APOBEC1: variants seen among roughly 807,000 people sequenced by gnomAD.
The protein encoded by APOBEC1 is apolipoprotein B mRNA editing enzyme catalytic subunit 1, also known as C->U-editing enzyme APOBEC-1.
A neutral mutation model predicts 26.3 loss-of-function variants in APOBEC1; 22 were observed. The observed-to-expected ratio is 0.84, with a 90% confidence interval of 0.60 to 1.19. The LOEUF (loss-of-function observed/expected upper bound fraction) is 1.19. Among genes scored for constraint, APOBEC1 ranks in the 50% most tolerant of loss-of-function variants. The pLI is 0.00. For missense variants in APOBEC1, 253 were observed against 289.0 expected (o/e 0.88, Z 0.90); for synonymous variants, 77 against 95.3 (o/e 0.81, Z 1.12).
chr12:7,659,322 A>AATATATATATATAT (rs1328982852), intron 1 of APOBEC1, among the ~76,000 whole-genome samples: 14 of 46,284 alleles, frequency 3.0e-4, no homozygotes, highest in African/African-American at 8.8e-4. Flanking sequence ...AAAAAAAAAA[A>AATATATATATATAT]ATATATATAT....
chr12:7,660,410 A>AAGAAAGAAAGAAAGAG (rs111744018), intron 1 of APOBEC1, among the ~76,000 whole-genome samples: 6 of 84,292 alleles, frequency 7.1e-5, no homozygotes, highest in South Asian at 5.5e-4. Context: ...GAAAGAAAGA[A>AAGAAAGAAAGAAAGAG]AGAGAGGGTA....
chr12:7,662,255 G>A (rs1462677054), intron 1 of APOBEC1, among the ~76,000 whole-genome samples: 2 of 149,942 alleles, frequency 1.3e-5, no homozygotes, highest in African/African-American at 4.9e-5. Context: ...AGAGCAAGAC[G>A]TTGTCTTTAA....
intron 1 of APOBEC1, among the ~76,000 whole-genome samples, chr12:7,662,507 T>A (rs936097675): frequency 1.3e-5 from 2 of 151,302 alleles, no homozygotes; most frequent in Non-Finnish European, 2.9e-5. Context: ...CACTTGAACC[T>A]GGGAGGTGGA....
intron 1 of APOBEC1, among the ~76,000 whole-genome samples, chr12:7,655,186 G>A (rs1863696080): frequency 6.6e-6 from 1 of 151,690 alleles, no homozygotes; most frequent in Admixed American, 6.6e-5. Context: ...TCCAGCCTGG[G>A]CAAAAGAGCA....
In APOBEC1 at chr12:7,649,512, G is replaced by C. The variant is rs777085968; in HGVS notation, c.*35C>G. On this transcript the variant is annotated 3_prime_UTR_variant, in exon 5 of 5. Transcript: ENST00000229304. Reference sequence around the variant, plus strand: ...ACTCTTTAGTGGGTCATCATTGCTTGTTCTTGAATCAGTACACACACGGAA... The same window carrying C: ...ACTCTTTAGTGGGTCATCATTGCTTCTTCTTGAATCAGTACACACACGGAA... 6.3e-6 allele frequency: 10 copies of C among 1,596,476 alleles called. No homozygotes were observed. The highest frequency in any genetic ancestry group is 5.6e-5 in the South Asian group (5 of 88,518).
At chr12:7,661,959 C>A (rs1255097582) in intron 1 of APOBEC1, among the ~76,000 whole-genome samples, 1 of 152,170 alleles carries the variant, frequency 6.6e-6, no homozygotes, top group Admixed American at 6.6e-5. Context: ...TCAAAAGAGT[C>A]CCTGGCTGGG....
At chr12:7,660,699 T>TC (rs1863804950) in intron 1 of APOBEC1, among the ~76,000 whole-genome samples, 1 of 22,550 alleles carries the variant, frequency 4.4e-5, no homozygotes, top group African/African-American at 1.4e-4. Flanking sequence ...TGAGATTCCA[T>TC]CTAAAAAAAA....
chr12:7,668,900 T>C (rs1316756216), upstream of APOBEC1, among the ~76,000 whole-genome samples: 1 of 152,048 alleles, frequency 6.6e-6, no homozygotes, highest in East Asian at 1.9e-4. Context: ...CCCAGCTAAT[T>C]TTTGTACTTT....
At chr12:7,661,880 T>G (rs1205183245) in intron 1 of APOBEC1, among the ~76,000 whole-genome samples, 1 of 152,164 alleles carries the variant, frequency 6.6e-6, no homozygotes, top group Admixed American at 6.5e-5. Context: ...GATGTGGAAA[T>G]GAGCAGTCAT....
chr12:7,662,088 A>G (rs1300892816), intron 1 of APOBEC1, among the ~76,000 whole-genome samples: 2 of 36,936 alleles, frequency 5.4e-5, no homozygotes, highest in Non-Finnish European at 5.1e-4. Flanking sequence ...CTAAAAACAA[A>G]ACAAAACAAA....
chr12:7,666,330 G>A (rs930805171), upstream of APOBEC1, among the ~76,000 whole-genome samples: 2 of 149,808 alleles, frequency 1.3e-5, no homozygotes, highest in South Asian at 2.1e-4. Flanking sequence ...TTTTGCTCTT[G>A]TCGCCCAGGC....
At chr12:7,661,205 CAAAA>C (rs35561148) in intron 1 of APOBEC1, among the ~76,000 whole-genome samples, 4 of 89,290 alleles carry the variant, frequency 4.5e-5, no homozygotes, top group African/African-American at 8.3e-5. Flanking sequence ...GACTCCGTCT[CAAAA>C]AAAAAAAAAA....
chr12:7,654,429 T>C (rs1362879237), intron 2 of APOBEC1, among the ~76,000 whole-genome samples, 176 bp downstream of exon 2: 1 of 147,946 alleles, frequency 6.8e-6, no homozygotes, highest in Non-Finnish European at 1.5e-5. Context: ...TGCAGTGCAG[T>C]GGTGCAATCA....
upstream of APOBEC1, chr12:7,666,032 AG>A (rs919647404): frequency 5.7e-5 from 44 of 775,234 alleles, no homozygotes; most frequent in Non-Finnish European, 9.3e-5. Flanking sequence ...CTGTACAAAC[AG>A]GGGGCCGACT....
At chr12:7,659,764 T>A (rs886577481) in intron 1 of APOBEC1, among the ~76,000 whole-genome samples, 13 of 151,808 alleles carry the variant, frequency 8.6e-5, no homozygotes, top group Admixed American at 8.5e-4. Context: ...GGTCAGGAGA[T>A]CGAGACCATC....
chr12:7,652,027 T>A lies in APOBEC1; in HGVS notation c.442+411A>T, dbSNP rs770884195. 5.3e-5 allele frequency among the ~76,000 whole-genome samples: 8 copies of A among 152,270 alleles called. No individual in the cohort carries two copies. The East Asian group carries it at 1.6e-3, about 30-fold the overall frequency. On this transcript the variant is annotated intron_variant, in intron 3 of 4. Coordinates refer to ENST00000229304, the MANE Select transcript of APOBEC1 (RefSeq NM_001644.5). The stretch of plus-strand genomic sequence containing the variant: ...TTAGTAGAGACGGGGTTTCACCGTG[T>A]TAGCCAGGATGGTCTCCATCTCCTG...
chr12:7,650,475 G>A (rs985999418), intron 4 of APOBEC1, among the ~76,000 whole-genome samples: 15 of 152,108 alleles, frequency 9.9e-5, no homozygotes, highest in Non-Finnish European at 1.5e-4. Context: ...TAATTAATAT[G>A]GGGACCACCC....
rs770163082 is a variant in APOBEC1 at position 7,649,646 on chromosome 12, TG to T, written c.611del (p.Thr204AsnfsTer21). 1 of 1,614,008 alleles carries T rather than the reference TG, an allele frequency of 6.2e-7. No homozygotes were observed. The highest frequency in any genetic ancestry group is 8.5e-7 in the Non-Finnish European group (1 of 1,179,898). On this transcript the variant is annotated frameshift_variant, in exon 5 of 5. Coordinates refer to ENST00000229304, the MANE Select transcript of APOBEC1 (RefSeq NM_001644.5). LOFTEE classifies it low-confidence loss of function (END_TRUNC). ...KISRRWQNHLTFFRLHLQNCH... is the reference protein window; with the variant it reads ...KISRRWQNHLXFFRLHLQNCH... ...AGTTTTGAAGATGAAGTCTGAAAAA[TG>T]TAAGATGATTTTGCCATCTTCTTGA...
At chr12:7,650,971 G>C in intron 4 of APOBEC1, 52 bp downstream of exon 4, 2 of 1,341,326 alleles carry the variant, frequency 1.5e-6, no homozygotes, top group Non-Finnish European at 2.1e-6. Context: ...AAAGACCTTT[G>C]AAGAAGGATG....
Sources: allele counts gnomAD v4.1 joint callset (sites outside exome capture counted in the v4.1 genomes callset), GRCh38; gene constraint gnomAD v4.1.1; transcripts MANE v1.5; gene names NCBI Gene and HGNC (gene_info 2026-07-23, HGNC 2026-07-21).